CDC42BPB: variants seen among roughly 807,000 people sequenced by gnomAD.
CDC42BPB encodes CDC42 binding protein kinase beta, also known as serine/threonine-protein kinase MRCK beta.
In CDC42BPB, 37 loss-of-function variants were observed where a neutral mutation model predicts 214.9. That is an observed-to-expected ratio of 0.17 (90% CI 0.13 to 0.23). The LOEUF is 0.23. Ranked by LOEUF, CDC42BPB falls within the 10% of genes least tolerant of loss-of-function variation. The pLI is 1.00. For missense variants in CDC42BPB, 1,694 were observed against 2,227.0 expected, an observed-to-expected ratio of 0.76 and a Z score of 4.82; for synonymous variants, 931 against 884.0, an observed-to-expected ratio of 1.05 and a Z score of -0.94.
At chr14:103,046,667 T>C (rs1044442873) in intron 1 of CDC42BPB, among the ~76,000 whole-genome samples, 7 of 152,146 alleles carry the variant, frequency 4.6e-5, no homozygotes, top group African/African-American at 1.7e-4. Context: ...AACAACACTT[T>C]TTTTTGGAGA....
At chr14:103,039,742 A>T (rs1328476839) in intron 1 of CDC42BPB, among the ~76,000 whole-genome samples, 1 of 152,180 alleles carries the variant, frequency 6.6e-6, no homozygotes, top group African/African-American at 2.4e-5. Flanking sequence ...TTTCTACCCT[A>T]CACTGTACTG....
chr14:102,993,346 G>A (rs144886055), intron 5 of CDC42BPB, among the ~76,000 whole-genome samples: 79 of 152,284 alleles, frequency 5.2e-4, no homozygotes, highest in African/African-American at 1.7e-3. Context: ...AGGGCATGCC[G>A]CAGGTGGGTT....
intron 30 of CDC42BPB, chr14:102,941,346 T>C: frequency 2.0e-6 from 2 of 985,484 alleles, no homozygotes; most frequent in African/African-American, 1.7e-5. Flanking sequence ...AAAAGCCTTC[T>C]GCTCTGTTTC....
At chr14:102,958,683 C>T (rs1040810851) in intron 21 of CDC42BPB, among the ~76,000 whole-genome samples, 23 of 152,076 alleles carry the variant, frequency 1.5e-4, no homozygotes, top group African/African-American at 2.9e-4. Flanking sequence ...CCAGCGGCTC[C>T]GACTGCCTGA....
intron 36 of CDC42BPB, 133 bp from the exon 37 acceptor site, chr14:102,933,976 C>T (rs958419865): frequency 1.4e-6 from 2 of 1,403,822 alleles, no homozygotes; most frequent in Non-Finnish European, 9.2e-7. Context: ...TATGAAAACA[C>T]ACACGCTCTA....
intron 13 of CDC42BPB, among the ~76,000 whole-genome samples, chr14:102,971,587 G>A (rs1174848934): frequency 4.6e-5 from 7 of 152,192 alleles, no homozygotes; most frequent in South Asian, 2.1e-4. Flanking sequence ...CCCCGTGCCC[G>A]GCCCGTGATT....
At chr14:103,040,617 C>T (rs929524473) in intron 1 of CDC42BPB, among the ~76,000 whole-genome samples, 3 of 151,810 alleles carry the variant, frequency 2.0e-5, no homozygotes, top group African/African-American at 2.4e-5. Flanking sequence ...TGCCAACACA[C>T]CCAGCTAATT....
intron 1 of CDC42BPB, among the ~76,000 whole-genome samples, chr14:103,056,476 G>C (rs1054550908): frequency 8.6e-5 from 13 of 151,968 alleles, no homozygotes; most frequent in African/African-American, 3.1e-4. Context: ...GATGCAGAAA[G>C]CACACCCAGC....
intron 1 of CDC42BPB, among the ~76,000 whole-genome samples, chr14:103,043,959 G>A (rs1451989143): frequency 6.6e-6 from 1 of 152,166 alleles, no homozygotes; most frequent in Non-Finnish European, 1.5e-5. Flanking sequence ...AATGTCTGAT[G>A]TTTTGAGAAA....
chr14:103,039,238 A>G (rs916527337), intron 1 of CDC42BPB, among the ~76,000 whole-genome samples: 1 of 150,628 alleles, frequency 6.6e-6, no homozygotes, highest in Non-Finnish European at 1.5e-5. Flanking sequence ...TTCCAGAAAA[A>G]GGAGAACACT....
At chr14:102,976,594 C>T (rs1448043514) in intron 9 of CDC42BPB, among the ~76,000 whole-genome samples, 2 of 152,228 alleles carry the variant, frequency 1.3e-5, no homozygotes, top group Non-Finnish European at 2.9e-5. Flanking sequence ...CAGGATGGCT[C>T]TCATTTAATA....
chr14:103,008,042 C>G (rs913119679), intron 3 of CDC42BPB, among the ~76,000 whole-genome samples: 1 of 148,972 alleles, frequency 6.7e-6, no homozygotes, highest in Non-Finnish European at 1.5e-5. Flanking sequence ...AGGAGCTGAT[C>G]AAAGCCTGCT....
chr14:102,983,414 G>C, intron 7 of CDC42BPB, 142 bp downstream of exon 7: 1 of 1,271,290 alleles, frequency 7.9e-7, no homozygotes, highest in Admixed American at 2.5e-5. Flanking sequence ...CAATCTGCCT[G>C]TCCCCAGTTT....
chr14:102,950,160 G>A (rs796711078), intron 25 of CDC42BPB: 38 of 934,994 alleles, frequency 4.1e-5, no homozygotes, highest in African/African-American at 3.5e-4. Flanking sequence ...CACGCAGCCC[G>A]ACAGTCTCGT....
chr14:103,030,337 G>A lies in CDC42BPB; in HGVS notation c.176-18149C>T, dbSNP rs982575666. On this transcript the variant is annotated intron_variant, in intron 1 of 36. Coordinates refer to ENST00000361246, the MANE Select transcript of CDC42BPB (RefSeq NM_006035.4). ...AAAAGAGGCAAAGAAAGTTTGAGGA[G>A]CATAGTTTGGATAACAATGGCTTCA... 5.3e-5 allele frequency among the ~76,000 whole-genome samples: 8 copies of A among 152,234 alleles called. No individual in the cohort carries two copies. In the East Asian group the frequency reaches 1.5e-3, roughly 29 times the overall value.
At position 102,939,592 on chromosome 14, in the gene CDC42BPB, T is replaced by C. The variant is rs116889152; in HGVS notation, c.4827+18A>G. 38,516 of 1,580,762 alleles carry C rather than the reference T, an allele frequency of 0.024. 559 individuals carry two copies. The highest frequency in any genetic ancestry group is 0.037 in the Middle Eastern group (219 of 5,986). On this transcript the variant is annotated intron_variant, in intron 34 of 36. Transcript: ENST00000361246. Reference sequence around the variant, plus strand: ...GAGATGGGGTGCCCTGCCCGCCCTATCCCGGCCGTGCACGCACCAGAGGCA... The same window carrying C: ...GAGATGGGGTGCCCTGCCCGCCCTACCCCGGCCGTGCACGCACCAGAGGCA...
chr14:102,933,993 C>A, intron 36 of CDC42BPB, 150 bp from the exon 37 acceptor site: 1 of 1,380,214 alleles, frequency 7.2e-7, no homozygotes, highest in Non-Finnish European at 9.3e-7. Context: ...TCTACACCAG[C>A]GATTCGTGGG....
chr14:103,000,912 G>C (rs901602794), intron 4 of CDC42BPB, among the ~76,000 whole-genome samples: 2 of 152,178 alleles, frequency 1.3e-5, no homozygotes, highest in Non-Finnish European at 2.9e-5. Flanking sequence ...GCAAAGACCT[G>C]GGCCCAACAG....
Position 102,938,376 on chromosome 14 carries a change from G to T in CDC42BPB, c.4863C>A (p.Gly1621=), listed in dbSNP as rs143773238. Reference sequence around the variant, plus strand: ...GGCGAGCCAGGTTGGTGGGAGCGGGGCCCGGCCTTTCCTCCTGGGAGGGGG... The same window carrying T: ...GGCGAGCCAGGTTGGTGGGAGCGGGTCCCGGCCTTTCCTCCTGGGAGGGGG... ...AVPPSQEERP[G]PAPTNLARQP... The change falls in exon 35 of 37, where the codon GGC becomes GGA. Residue 1621 remains glycine (G), a synonymous_variant. Coordinates refer to ENST00000361246, the MANE Select transcript of CDC42BPB (RefSeq NM_006035.4). 6 of 1,564,894 alleles carry T rather than the reference G, an allele frequency of 3.8e-6. No homozygotes were observed. In the African/African-American group the frequency reaches 8.2e-5, roughly 21 times the overall value.
Sources: allele counts gnomAD v4.1 joint callset (sites outside exome capture counted in the v4.1 genomes callset), GRCh38; gene constraint gnomAD v4.1.1; transcripts MANE v1.5; gene names NCBI Gene and HGNC (gene_info 2026-07-23, HGNC 2026-07-21).